Variants in ICE1 observed in about 807,000 individuals in gnomAD.
The protein encoded by ICE1 is little elongation complex subunit 1.
A neutral mutation model predicts 192.7 loss-of-function variants in ICE1; 64 were observed. The ratio of observed to expected loss-of-function variants is 0.33; its 90% CI spans 0.27 to 0.41. ICE1 has a LOEUF of 0.41. Among genes scored for constraint, ICE1 ranks in the 10% least tolerant of loss-of-function variants. The pLI, the probability that ICE1 is intolerant of heterozygous loss-of-function variation, is 1.00. For missense variants in ICE1, 2,708 were observed against 2,696.0 expected, an observed-to-expected ratio of 1.00 and a Z score of -0.10; for synonymous variants, 1,010 against 984.5, an observed-to-expected ratio of 1.03 and a Z score of -0.49.
intron 3 of ICE1, among the ~76,000 whole-genome samples, 158 bp from the exon 4 acceptor site, chr5:5,439,735 CTG>C (rs931588507): frequency 1.4e-4 from 21 of 152,248 alleles, no homozygotes; most frequent in Admixed American, 2.6e-4. Flanking sequence ...AGACTTACCA[CTG>C]TGTTTTAGAT....
chr5:5,424,231 A>G (rs1026801719), intron 1 of ICE1, among the ~76,000 whole-genome samples: 7 of 152,164 alleles, frequency 4.6e-5, no homozygotes, highest in African/African-American at 1.7e-4. Context: ...TTTGCATTTT[A>G]AGTGCAATAT....
At chr5:5,427,152 GA>G (rs1737548658) in intron 1 of ICE1, among the ~76,000 whole-genome samples, 6 of 152,196 alleles carry the variant, frequency 3.9e-5, no homozygotes, top group African/African-American at 1.4e-4. Context: ...ATTTGATTCA[GA>G]AGTGTGCAGA....
Position 5,463,059 on chromosome 5 carries a change from A to T in ICE1, c.3725A>T (p.Asp1242Val), listed in dbSNP as rs1344960908. The T allele has an allele frequency of 1.2e-6, 2 of 1,613,830 alleles. No homozygotes were observed. Among genetic ancestry groups the T allele is most frequent in the Non-Finnish European group, 8.5e-7 (1 of 1,179,840 alleles). Residue 1242 changes from aspartate (D) to valine (V), a missense_variant, in exon 13 of 19, where the codon GAT (aspartate) becomes GTT (valine). Around this residue, in one of 2 missense-constraint regions of ICE1, gnomAD observed 2,366 missense variants for 2,276.6 expected, o/e 1.04. Coordinates refer to ENST00000296564, the MANE Select transcript of ICE1 (RefSeq NM_015325.3). ...GAGTGGATTGAATCAGAGGAAGATG[A>T]TTATTCGTTAAAAAATACAAGTCAG... is the stretch of plus-strand genomic sequence containing the variant. ...CEEWIESEEDDYSLKNTSQLT... is the reference protein window; with the variant it reads ...CEEWIESEEDVYSLKNTSQLT...
chr5:5,454,778 A>T, intron 11 of ICE1, 140 bp downstream of exon 11: 1 of 572,094 alleles, frequency 1.7e-6, no homozygotes, highest in Non-Finnish European at 3.1e-6. Flanking sequence ...ACTTTTAATT[A>T]TACAAAACTC....
intron 1 of ICE1, among the ~76,000 whole-genome samples, chr5:5,428,161 C>G (rs1317917930): frequency 6.6e-6 from 1 of 152,022 alleles, no homozygotes; most frequent in African/African-American, 2.4e-5. Context: ...GGTTTGCCTT[C>G]CCAGCACCCA....
In ICE1 at chr5:5,481,112, T is replaced by C. The variant is rs191270571; in HGVS notation, c.6520+5033T>C. Among the ~76,000 whole-genome samples, 382 of 152,314 alleles carry C rather than the reference T, an allele frequency of 2.5e-3. 3 individuals carry two copies. The highest frequency in any genetic ancestry group is 0.021 in the Admixed American group (319 of 15,300). On this transcript the variant is annotated intron_variant, in intron 17 of 18. Coordinates refer to ENST00000296564, the MANE Select transcript of ICE1 (RefSeq NM_015325.3). ...CTGATTTCAGTAGCAGCTTCTCTTA[T>C]GAATTCAGGAAAAAATGCTCATGCT...
chr5:5,442,247 C>G (rs1738072654), intron 5 of ICE1, among the ~76,000 whole-genome samples: 1 of 152,180 alleles, frequency 6.6e-6, no homozygotes. Context: ...CTGGAATGAT[C>G]CTCCTTTCTT....
At chr5:5,458,100 T>A (rs372467187) in intron 12 of ICE1, among the ~76,000 whole-genome samples, 177 of 152,330 alleles carry the variant, frequency 1.2e-3, no homozygotes, top group African/African-American at 4.0e-3. Flanking sequence ...AAAATCCATG[T>A]ATATAGCATC....
intron 15 of ICE1, among the ~76,000 whole-genome samples, chr5:5,471,264 T>C (rs1739148547): frequency 6.6e-6 from 1 of 152,130 alleles, no homozygotes; most frequent in South Asian, 2.1e-4. Context: ...AACAGGGTGA[T>C]TTCCTGGCAA....
chr5:5,478,931 T>G (rs760804255), intron 17 of ICE1, among the ~76,000 whole-genome samples: 1 of 152,170 alleles, frequency 6.6e-6, no homozygotes, highest in Non-Finnish European at 1.5e-5. Context: ...TCCTTACACC[T>G]TATACAAAAA....
chr5:5,450,790 C>T (rs999945276), intron 10 of ICE1, among the ~76,000 whole-genome samples: 1 of 152,044 alleles, frequency 6.6e-6, no homozygotes, highest in Non-Finnish European at 1.5e-5. Context: ...GTATAGTTTG[C>T]CATGAAGATA....
intron 5 of ICE1, among the ~76,000 whole-genome samples, chr5:5,441,981 A>G (rs1376687494): frequency 6.6e-6 from 1 of 152,114 alleles, no homozygotes; most frequent in African/African-American, 2.4e-5. Flanking sequence ...TTTGGGTGAT[A>G]CTTATTAAGC....
Position 5,473,515 on chromosome 5 carries a change from A to G in ICE1, c.6223-43A>G, listed in dbSNP as rs72646686. 8,924 of 1,540,476 alleles carry G rather than the reference A, an allele frequency of 5.8e-3. 106 individuals carry two copies. The highest frequency in any genetic ancestry group is 0.035 in the South Asian group (2,893 of 83,636). On this transcript the variant is annotated intron_variant, in intron 15 of 18. Coordinates refer to ENST00000296564, the MANE Select transcript of ICE1 (RefSeq NM_015325.3). ...AGATAACTAAGGTAAGATGCATTCTATTTGAAACTCCAGATTTTATTTTAT... is the reference window on the plus strand; with the variant it reads ...AGATAACTAAGGTAAGATGCATTCTGTTTGAAACTCCAGATTTTATTTTAT...
chr5:5,464,812 G>T lies in ICE1; in HGVS notation c.5478G>T (p.Gly1826=). The change falls in exon 13 of 19, where the codon GGG becomes GGT. Residue 1826 remains glycine, a synonymous_variant. Transcript: ENST00000296564. The surrounding 1 kb of genome is among the most constrained non-coding windows in gnomAD (Gnocchi z 4.0). ...ACCAAGACAAGTCAAGAGATTTGGG[G>T]ACTCAGCAGGATTCAAGCGGGAAAA... is the stretch of plus-strand genomic sequence containing the variant. ...DCNQDKSRDL[G]TQQDSSGKRT... is the part of the protein sequence containing the mutation. The T allele has an allele frequency of 6.2e-7, 1 of 1,613,706 alleles. No individual in the cohort carries two copies. The highest frequency in any genetic ancestry group is 1.1e-5 in the South Asian group (1 of 90,964).
In ICE1 at chr5:5,463,275, A is replaced by G. The variant is rs763149585; in HGVS notation, c.3941A>G (p.His1314Arg). 21 of 1,613,466 alleles carry G rather than the reference A, an allele frequency of 1.3e-5. No individual in the cohort carries two copies. The South Asian group carries it at 2.1e-4, about 16-fold the overall frequency. ...PFRETTGSSSHASEPTPQAAA... is the reference protein window; with the variant it reads ...PFRETTGSSSRASEPTPQAAA... ...CGGGAAACGACTGGCTCCTCATCAC[A>G]TGCTTCAGAACCAACCCCACAAGCA... Residue 1314 changes from histidine (H) to arginine (R), a missense_variant, in exon 13 of 19, where the codon CAT (histidine) becomes CGT (arginine). Physicochemically the swap from His to Arg is conservative, Grantham distance 29. Coordinates refer to ENST00000296564, the MANE Select transcript of ICE1 (RefSeq NM_015325.3).
rs778872964 is a variant in ICE1 at position 5,454,533 on chromosome 5, G to A, written c.605-19G>A. 1 of 1,597,012 alleles carries A rather than the reference G, an allele frequency of 6.3e-7. No homozygotes were observed. Among genetic ancestry groups the A allele is most frequent in the Non-Finnish European group, 8.6e-7 (1 of 1,165,480 alleles). ...GTGAGCCAAATGACGTGACTTTAATGCTTTGCTCTGTTTCACAGGAAAAGT... is the reference window on the plus strand; with the variant it reads ...GTGAGCCAAATGACGTGACTTTAATACTTTGCTCTGTTTCACAGGAAAAGT... On this transcript the variant is annotated intron_variant, in intron 10 of 18. Transcript: ENST00000296564.
At chr5:5,466,257 TA>T in intron 13 of ICE1, 76 bp from the exon 14 acceptor site, 1 of 1,342,682 alleles carries the variant, frequency 7.4e-7, no homozygotes. Context: ...TTAAGTTTTG[TA>T]ACTTTTAGAT....
chr5:5,437,604 G>T (rs1419041864), intron 3 of ICE1: 1 of 154,282 alleles, frequency 6.5e-6, no homozygotes, highest in Admixed American at 6.4e-5. Flanking sequence ...GTATATTCAT[G>T]AACGCTGTGG....
In ICE1 at chr5:5,475,956, A is replaced by G. The variant is rs1379637523; in HGVS notation, c.6414-17A>G. 1.3e-5 allele frequency: 19 copies of G among 1,454,826 alleles called. No homozygotes were observed. The highest frequency in any genetic ancestry group is 1.9e-4 in the Middle Eastern group (1 of 5,148). 90.1% of individuals were successfully genotyped at this position (1,454,826 alleles called of 1,614,324 possible). On this transcript the variant is annotated splice_polypyrimidine_tract_variant and intron_variant, in intron 16 of 18. Coordinates refer to ENST00000296564, the MANE Select transcript of ICE1 (RefSeq NM_015325.3). ...AGTGATGATGAGCATACATCTTTTC[A>G]TGTTGTTTTTTTATAGTAAGGAGCT...
Sources: gnomAD v4.1 joint callset for allele counts (sites outside exome capture counted in the v4.1 genomes callset) on GRCh38, gnomAD v4.1.1 for gene constraint, gnomAD v4.1.1 regional missense constraint, Gnocchi (gnomAD v3.1) non-coding constraint, MANE v1.5 for transcripts, NCBI Gene and HGNC (gene_info 2026-07-23, HGNC 2026-07-21) for gene names.